The following CARS2 variants were observed in gnomAD, a reference collection of about 807,000 sequenced individuals.
CARS2 encodes cysteinyl-tRNA synthetase 2, mitochondrial.
CARS2 carries 52 observed loss-of-function variants against 68.8 expected under a neutral mutation model. That is an observed-to-expected ratio of 0.76 (90% CI 0.61 to 0.95). The LOEUF (loss-of-function observed/expected upper bound fraction) is 0.95, where lower values mean the gene tolerates loss of function less well. CARS2 is among the 40% of genes least tolerant of loss of function. The pLI, the probability that CARS2 is intolerant of heterozygous loss-of-function variation, is 0.00. For missense variants in CARS2, 780 were observed against 754.2 expected (o/e 1.03, Z -0.40); for synonymous variants, 314 against 303.6 (o/e 1.03, Z -0.36).
intron 1 of CARS2, chr13:110,712,503 C>A: frequency 3.6e-6 from 1 of 275,130 alleles, no homozygotes; most frequent in South Asian, 2.8e-5. Context: ...GAGGCCACGC[C>A]CAGGAGGGGC....
chr13:110,680,285 T>C (rs1213668010), intron 6 of CARS2, among the ~76,000 whole-genome samples: 2 of 152,004 alleles, frequency 1.3e-5, no homozygotes, highest in Non-Finnish European at 2.9e-5. Context: ...CCAGCTACTC[T>C]GGAGGCTGAG....
At chr13:110,662,902 G>A (rs7989346) in intron 9 of CARS2, 208,621 of 413,920 alleles carry the variant, frequency 0.5, 53,827 homozygotes, top group East Asian at 0.66. Context: ...AGACAGGCCA[G>A]AAGACAAAGG....
At chr13:110,666,139 C>A (rs9588233) in intron 8 of CARS2, 1 of 985,152 alleles carries the variant, frequency 1.0e-6, no homozygotes, top group East Asian at 1.1e-4. Context: ...GGAGTGCAGG[C>A]CCCCGGCTGT....
chr13:110,670,646 G>A lies in CARS2; in HGVS notation c.786-3173C>T, dbSNP rs565798441. ...AGCTGAAAATTCTAAAAATCAGAGCGCCTCTTCTCCTCCAAAGAAACGCAG... is the reference window on the plus strand; with the variant it reads ...AGCTGAAAATTCTAAAAATCAGAGCACCTCTTCTCCTCCAAAGAAACGCAG... On this transcript the variant is annotated intron_variant, in intron 7 of 14. Transcript: ENST00000257347. This position sits in a 1 kb window ranked among gnomAD's most constrained non-coding sequence, Gnocchi z 4.1. 1.1e-4 allele frequency among the ~76,000 whole-genome samples: 16 copies of A among 152,264 alleles called. No individual in the cohort carries two copies. The highest frequency in any genetic ancestry group is 5.9e-4 in the Admixed American group (9 of 15,290).
At chr13:110,652,996 G>A (rs554881645) in intron 9 of CARS2, among the ~76,000 whole-genome samples, 5 of 152,158 alleles carry the variant, frequency 3.3e-5, no homozygotes, top group African/African-American at 7.2e-5. Context: ...CAACTCACAC[G>A]AGAGGATGGC....
intron 6 of CARS2, among the ~76,000 whole-genome samples, chr13:110,678,963 G>A (rs992964885): frequency 1.3e-5 from 2 of 152,186 alleles, no homozygotes; most frequent in African/African-American, 2.4e-5. Context: ...GTCAAGCCTC[G>A]GGCAGGGCTG....
intron 9 of CARS2, among the ~76,000 whole-genome samples, chr13:110,655,997 C>T (rs1430419472): frequency 2.6e-5 from 4 of 152,196 alleles, no homozygotes; most frequent in Admixed American, 2.6e-4. Flanking sequence ...AAATGTTTCA[C>T]AGATATGACA....
intron 6 of CARS2, among the ~76,000 whole-genome samples, chr13:110,682,381 C>A (rs989786753): frequency 1.3e-5 from 2 of 152,122 alleles, no homozygotes; most frequent in African/African-American, 2.4e-5. Flanking sequence ...CAGGGCACCA[C>A]GGCGGGGGAA....
chr13:110,664,069 G>A (rs562476740), intron 8 of CARS2: 1 of 985,318 alleles, frequency 1.0e-6, no homozygotes, highest in South Asian at 4.7e-5. Flanking sequence ...AAGACAGGAG[G>A]AAAACCAAAC....
chr13:110,652,838 G>A (rs1269267661), intron 9 of CARS2, among the ~76,000 whole-genome samples: 3 of 152,216 alleles, frequency 2.0e-5, no homozygotes, highest in Admixed American at 6.5e-5. Flanking sequence ...TGGTTCAACA[G>A]TTATGTGTTT....
rs780329535 is a variant in CARS2, at chr13:110,670,229, T to C, written c.786-2756A>G. On this transcript the variant is annotated intron_variant, in intron 7 of 14. Coordinates refer to ENST00000257347, the MANE Select transcript of CARS2 (RefSeq NM_024537.4). This position sits in a 1 kb window ranked among gnomAD's most constrained non-coding sequence, Gnocchi z 4.1. ...AGTAGTGGTTCTCCCAGCACGGAGT[T>C]TGAGATCTGAGAACGGACAGACTGC... Among the ~76,000 whole-genome samples the C allele has an allele frequency of 4.7e-4, 71 of 152,228 alleles. No individual in the cohort carries two copies. The highest frequency in any genetic ancestry group is 1.2e-3 in the South Asian group (6 of 4,814).
rs1436775269 is a variant in CARS2 at position 110,642,355 on chromosome 13, G to A, written c.1583C>T (p.Thr528Ile). The change falls in exon 14 of 15, where the codon ACC (threonine) becomes ATC (isoleucine). Residue 528 changes from threonine (T) to isoleucine (I), a missense_variant. By Grantham distance (89) the Thr-to-Ile change is moderately conservative. Transcript: ENST00000257347. Reference sequence around the variant, plus strand: ...GTGGGCAGTCAGGCCCCGGCGCAGGGTGTCGCATGCTTCCAGCAGGGGCTG... The same window carrying A: ...GTGGGCAGTCAGGCCCCGGCGCAGGATGTCGCATGCTTCCAGCAGGGGCTG... ...ERQPLLEACDTLRRGLTAHGI... is the reference protein window; with the variant it reads ...ERQPLLEACDILRRGLTAHGI... 6.4e-7 allele frequency: 1 copy of A among 1,553,484 alleles called. No homozygotes were observed. The highest frequency in any genetic ancestry group is 1.4e-5 in the African/African-American group (1 of 73,372).
intron 9 of CARS2, among the ~76,000 whole-genome samples, chr13:110,658,661 G>C (rs2062430464): frequency 6.6e-6 from 1 of 152,198 alleles, no homozygotes; most frequent in African/African-American, 2.4e-5. Flanking sequence ...AGTGACTCAT[G>C]CCTGTGATCC....
rs962631432 is a variant in CARS2, at chr13:110,664,626, C to T, written c.920-1108G>A. Reference sequence around the variant, plus strand: ...CTATATAATGTGATTACACCAAGCACGATTCTGATTTTTTAAAATTGATGA... The same window carrying T: ...CTATATAATGTGATTACACCAAGCATGATTCTGATTTTTTAAAATTGATGA... On this transcript the variant is annotated intron_variant, in intron 8 of 14. Coordinates refer to ENST00000257347, the MANE Select transcript of CARS2 (RefSeq NM_024537.4). 22 of 982,432 alleles carry T rather than the reference C, an allele frequency of 2.2e-5. No homozygotes were observed. The Admixed American group carries it at 3.1e-4, about 14-fold the overall frequency. The allele number at this position is 982,432 out of a possible 1,614,324, so 60.9% of individuals were successfully genotyped here. A position where few individuals can be genotyped will look rare whatever the true frequency, so the allele number is the denominator to read the frequency against.
intron 2 of CARS2, among the ~76,000 whole-genome samples, chr13:110,703,306 T>C (rs1184383126): frequency 6.6e-6 from 1 of 152,126 alleles, no homozygotes; most frequent in Admixed American, 6.5e-5. Context: ...GATGGTTGCA[T>C]AAATAACCAC....
At chr13:110,707,044 A>G (rs935077930), upstream of CARS2, among the ~76,000 whole-genome samples, 13 of 150,238 alleles carry the variant, frequency 8.7e-5, no homozygotes, top group Non-Finnish European at 1.8e-4. Flanking sequence ...GTACACCCCA[A>G]TACAGTGTGC....
chr13:110,690,409 C>T (rs925496861), intron 3 of CARS2, among the ~76,000 whole-genome samples: 2 of 152,254 alleles, frequency 1.3e-5, no homozygotes, highest in Admixed American at 6.5e-5. Flanking sequence ...TATATATATA[C>T]ATTTGCATCT....
chr13:110,642,885 G>C (rs868312548), intron 13 of CARS2: 11 of 491,078 alleles, frequency 2.2e-5, no homozygotes, highest in South Asian at 1.8e-4. Flanking sequence ...GATGAGGCTG[G>C]GGGGCAGCGA....
chr13:110,642,698 C>G (rs756519020), intron 13 of CARS2, 177 bp from the exon 14 acceptor site: 1 of 770,336 alleles, frequency 1.3e-6, no homozygotes, highest in South Asian at 1.4e-5. Flanking sequence ...GAGCGCTGGG[C>G]TCTGGGCAAG....
Sources: allele counts gnomAD v4.1 joint callset (sites outside exome capture counted in the v4.1 genomes callset), GRCh38; gene constraint gnomAD v4.1.1; non-coding constraint Gnocchi (gnomAD v3.1); transcripts MANE v1.5; gene names NCBI Gene and HGNC (gene_info 2026-07-23, HGNC 2026-07-21).